ATG4B: variants seen among roughly 807,000 people sequenced by gnomAD.
ATG4B encodes the protein autophagy related 4B cysteine peptidase.
ATG4B carries 29 observed loss-of-function variants against 56.6 expected under a neutral mutation model. The ratio of observed to expected loss-of-function variants is 0.51; its 90% CI spans 0.38 to 0.70. ATG4B has a LOEUF of 0.70. ATG4B is among the 30% of genes least tolerant of loss of function. The pLI is 0.00. For synonymous variants in ATG4B, 224 were observed against 206.1 expected (o/e 1.09, Z -0.74); for missense variants, 461 against 515.5 (o/e 0.89, Z 1.02).
At chr2:241,657,872 G>A (rs1204127097) in intron 6 of ATG4B, among the ~76,000 whole-genome samples, 2 of 152,146 alleles carry the variant, frequency 1.3e-5, no homozygotes, top group Admixed American at 1.3e-4. Flanking sequence ...TGACTCAGGC[G>A]GGGCTCTACC....
chr2:241,643,568 A>G (rs968836196), intron 1 of ATG4B, among the ~76,000 whole-genome samples: 1 of 149,638 alleles, frequency 6.7e-6, no homozygotes, highest in Non-Finnish European at 1.5e-5. Flanking sequence ...GGGTCTATAT[A>G]TTTATTTATG....
intron 3 of ATG4B, 111 bp from the exon 4 acceptor site, chr2:241,653,401 G>A (rs1359841324): frequency 5.8e-6 from 9 of 1,551,094 alleles, no homozygotes; most frequent in Non-Finnish European, 7.8e-6. Context: ...GCTGATGGAG[G>A]AGGGAGTCGG....
In ATG4B at chr2:241,666,704, G is replaced by C. The variant is rs199556345; in HGVS notation, c.598G>C (p.Asp200His). ...CGCCACTGCGTTTCCTGCAGATTCC[G>C]ACCGGCACTGCAACGGATTCCCTGC... is the stretch of plus-strand genomic sequence containing the variant. ...AGATAFPADS[D>H]RHCNGFPAGA... Residue 200 changes from aspartate (D) to histidine (H), a missense_variant, in exon 8 of 13, where the codon GAC (aspartate) becomes CAC (histidine). Transcript: ENST00000404914. The C allele has an allele frequency of 1.2e-6, 2 of 1,613,042 alleles. No individual in the cohort carries two copies. The highest frequency in any genetic ancestry group is 1.7e-6 in the Non-Finnish European group (2 of 1,179,564).
chr2:241,664,924 A>T (rs1328032098), intron 7 of ATG4B, among the ~76,000 whole-genome samples: 4 of 152,176 alleles, frequency 2.6e-5, no homozygotes, highest in Non-Finnish European at 5.9e-5. Flanking sequence ...AGATTATGCC[A>T]CTGCACTCCA....
rs528852106 is a variant in ATG4B, at chr2:241,657,264, C to T, written c.459-1844C>T. 8.0e-5 allele frequency among the ~76,000 whole-genome samples: 12 copies of T among 149,798 alleles called. No individual in the cohort carries two copies. The South Asian group carries it at 1.7e-3, about 21-fold the overall frequency. ...TGCTGGGATTACAGGCGTGAGCCACCGCGCCTGGCCAGGACTCCTCTCTTT... is the reference window on the plus strand; with the variant it reads ...TGCTGGGATTACAGGCGTGAGCCACTGCGCCTGGCCAGGACTCCTCTCTTT... On this transcript the variant is annotated intron_variant, in intron 6 of 12. Transcript: ENST00000404914.
chr2:241,669,022 C>T (rs35689329), intron 10 of ATG4B, among the ~76,000 whole-genome samples: 54,859 of 121,698 alleles, frequency 0.45, 10,514 homozygotes, highest in Middle Eastern at 0.61. Flanking sequence ...TTTAAACACA[C>T]GGGCGGCCCC....
chr2:241,644,852 G>A (rs1020621214), intron 1 of ATG4B, among the ~76,000 whole-genome samples: 2 of 152,036 alleles, frequency 1.3e-5, no homozygotes, highest in African/African-American at 2.4e-5. Flanking sequence ...GGGAGGCTGA[G>A]GCAGGAGAAT....
chr2:241,655,528 C>T, intron 6 of ATG4B, 185 bp downstream of exon 6: 4 of 629,574 alleles, frequency 6.4e-6, no homozygotes, highest in Non-Finnish European at 1.1e-5. Flanking sequence ...TGTTTTCTAA[C>T]AAAATGAACA....
chr2:241,650,894 T>C, intron 1 of ATG4B, 116 bp from the exon 2 acceptor site: 2 of 821,520 alleles, frequency 2.4e-6, no homozygotes, highest in Admixed American at 2.5e-5. Context: ...GGAGTGCTGC[T>C]GTTACAAGAA....
intron 1 of ATG4B, 110 bp from the exon 2 acceptor site, chr2:241,650,900 A>G (rs2068209237): frequency 1.1e-6 from 1 of 890,574 alleles, no homozygotes; most frequent in Non-Finnish European, 1.7e-6. Flanking sequence ...CTGCTGTTAC[A>G]AGAATTTACA....
At position 241,660,941 on chromosome 2, in the gene ATG4B, G is replaced by C. The variant is rs566250044; in HGVS notation, c.538+1754G>C. Reference sequence around the variant, plus strand: ...TGCTGGGTGCAGTGGCCAGGAAGGCGCAAGGGTCAGGGCTTCCTAGAACCT... The same window carrying C: ...TGCTGGGTGCAGTGGCCAGGAAGGCCCAAGGGTCAGGGCTTCCTAGAACCT... On this transcript the variant is annotated intron_variant, in intron 7 of 12. Transcript: ENST00000404914. Among the ~76,000 whole-genome samples, 20 of 152,328 alleles carry C rather than the reference G, an allele frequency of 1.3e-4. No individual in the cohort carries two copies. In the East Asian group the frequency reaches 3.9e-3, roughly 29 times the overall value.
Position 241,668,284 on chromosome 2 carries a change from A to G in ATG4B, c.811+63A>G. 2.0e-6 allele frequency: 3 copies of G among 1,529,792 alleles called. No individual in the cohort carries two copies. The highest frequency in any genetic ancestry group is 1.2e-5 in the South Asian group (1 of 83,504). The allele number at this position is 1,529,792 out of a possible 1,614,324, so 94.8% of individuals were successfully genotyped here. ...GGCCTTTTAAGGGCATTCCATGAGCAGGTACCACACCCCAGGTGACCACTT... is the reference window on the plus strand; with the variant it reads ...GGCCTTTTAAGGGCATTCCATGAGCGGGTACCACACCCCAGGTGACCACTT... On this transcript the variant is annotated intron_variant, in intron 9 of 12. Coordinates refer to ENST00000404914, the MANE Select transcript of ATG4B (RefSeq NM_013325.5). This position sits in a 1 kb window ranked among gnomAD's most constrained non-coding sequence, Gnocchi z 4.2.
chr2:241,666,743 A>G lies in ATG4B; in HGVS notation c.637A>G (p.Thr213Ala). ...CNGFPAGAEV[T>A]NRPSPWRPLV... Reference sequence around the variant, plus strand: ...CGGATTCCCTGCCGGAGCTGAGGTCACCAACAGGCCGTCGCCATGGAGACC... The same window carrying G: ...CGGATTCCCTGCCGGAGCTGAGGTCGCCAACAGGCCGTCGCCATGGAGACC... Residue 213 changes from threonine (T) to alanine (A), a missense_variant, in exon 8 of 13, where the codon ACC (threonine) becomes GCC (alanine). By Grantham distance (58) the Thr-to-Ala change is moderately conservative (BLOSUM62 0). Coordinates refer to ENST00000404914, the MANE Select transcript of ATG4B (RefSeq NM_013325.5). 1 of 1,609,990 alleles carries G rather than the reference A, an allele frequency of 6.2e-7. No homozygotes were observed. The highest frequency in any genetic ancestry group is 8.5e-7 in the Non-Finnish European group (1 of 1,178,224).
intron 6 of ATG4B, among the ~76,000 whole-genome samples, chr2:241,656,240 CT>C (rs946196254): frequency 2.0e-5 from 3 of 152,188 alleles, no homozygotes; most frequent in African/African-American, 7.2e-5. Flanking sequence ...CTCCACCCAG[CT>C]TTTCTGTCAG....
intron 11 of ATG4B, among the ~76,000 whole-genome samples, 159 bp downstream of exon 11, chr2:241,670,941 G>C (rs1559275323): frequency 6.6e-6 from 1 of 152,232 alleles, no homozygotes; most frequent in Non-Finnish European, 1.5e-5. Flanking sequence ...TGAGCAGGGT[G>C]GGGCGTCCTG....
chr2:241,671,816 C>G (rs1297114846), intron 12 of ATG4B: 2 of 1,274,948 alleles, frequency 1.6e-6, no homozygotes, highest in Admixed American at 3.4e-5. Flanking sequence ...GGCCTGGGCT[C>G]GTGCAGTGAA....
chr2:241,662,978 A>G (rs551622380), intron 7 of ATG4B, among the ~76,000 whole-genome samples: 8 of 152,306 alleles, frequency 5.3e-5, no homozygotes, highest in African/African-American at 1.7e-4. Flanking sequence ...GCTCACGCCT[A>G]TAATCCCAGC....
At chr2:241,659,007 A>C in intron 6 of ATG4B, 101 bp from the exon 7 acceptor site, 1 of 813,154 alleles carries the variant, frequency 1.2e-6, no homozygotes, top group Non-Finnish European at 1.9e-6. Context: ...TCATCCGAGA[A>C]GCACCTCTAA....
chr2:241,664,308 T>G (rs62190291), intron 7 of ATG4B, among the ~76,000 whole-genome samples: 21,686 of 151,992 alleles, frequency 0.14, 1,862 homozygotes, highest in East Asian at 0.35. Flanking sequence ...GCAGGCAGAT[T>G]GCTTGAGTCC....
Sources: allele counts gnomAD v4.1 joint callset (sites outside exome capture counted in the v4.1 genomes callset), GRCh38; gene constraint gnomAD v4.1.1; non-coding constraint Gnocchi (gnomAD v3.1); transcripts MANE v1.5; gene names NCBI Gene and HGNC (gene_info 2026-07-23, HGNC 2026-07-21).